The following ULBP3 variants were observed in gnomAD, a reference collection of about 807,000 sequenced individuals.
ULBP3 encodes UL16-binding protein 3.
A neutral mutation model predicts 24.9 loss-of-function variants in ULBP3; 25 were observed. The observed-to-expected ratio is 1.00, with a 90% CI of 0.73 to 1.40. The LOEUF is 1.40. Ranked by LOEUF, ULBP3 falls within the 40% of genes most tolerant of loss-of-function variation. The pLI is 0.00. For synonymous variants in ULBP3, 114 were observed against 114.7 expected, an observed-to-expected ratio of 0.99 and a Z score of 0.04; for missense variants, 306 against 307.5, an observed-to-expected ratio of 1.00 and a Z score of 0.04.
chr6:150,068,971 G>A lies in ULBP3; in HGVS notation c.88+8C>T, dbSNP rs1248652842. ...CCCGCCCCGCTTAGGCTCCATCCCC[G>A]AACTCACCGGCCCGCCCCGTCCCGG... On this transcript the variant is annotated splice_region_variant and intron_variant, in intron 1 of 4. Transcript: ENST00000367339. The A allele has an allele frequency of 1.2e-6, 2 of 1,601,260 alleles. No homozygotes were observed. Among genetic ancestry groups the A allele is most frequent in the African/African-American group, 1.3e-5 (1 of 74,874 alleles).
Position 150,061,416 on chromosome 6 carries a change from C to G in ULBP3, c.*1958G>C, listed in dbSNP as rs1002980490. On this transcript the variant is annotated 3_prime_UTR_variant, in exon 5 of 5. Coordinates refer to ENST00000367339, the MANE Select transcript of ULBP3 (RefSeq NM_024518.3). Reference sequence around the variant, plus strand: ...AGGTGGTTTTTCAGCCCAGGTGCCCCTCCTGTCTCACCTGTCTAGTAATCT... The same window carrying G: ...AGGTGGTTTTTCAGCCCAGGTGCCCGTCCTGTCTCACCTGTCTAGTAATCT... Among the ~76,000 whole-genome samples, 1 of 152,198 alleles carries G rather than the reference C, an allele frequency of 6.6e-6. No individual in the cohort carries two copies. Among genetic ancestry groups the G allele is most frequent in the Non-Finnish European group, 1.5e-5 (1 of 68,036 alleles).
In ULBP3 at chr6:150,062,551, T is replaced by TA. The variant is rs1048130313; in HGVS notation, c.*822dup. 6.6e-6 allele frequency among the ~76,000 whole-genome samples: 1 copy of TA among 151,956 alleles called. No individual in the cohort carries two copies. Among genetic ancestry groups the TA allele is most frequent in the Non-Finnish European group, 1.5e-5 (1 of 67,972 alleles). On this transcript the variant is annotated 3_prime_UTR_variant, in exon 5 of 5. Coordinates refer to ENST00000367339, the MANE Select transcript of ULBP3 (RefSeq NM_024518.3). ...ATATGGTTGACAGAATGAGAAAATG[T>TA]AAAAAAACTATAATGATAAAAAGGA...
At chr6:150,067,855 C>G (rs181995506) in intron 1 of ULBP3, among the ~76,000 whole-genome samples, 27 of 152,318 alleles carry the variant, frequency 1.8e-4, no homozygotes, top group Non-Finnish European at 1.2e-4. Flanking sequence ...TGCTCAGAAG[C>G]AAAGCTGTGC....
chr6:150,066,724 A>G (rs1229978511), intron 1 of ULBP3, among the ~76,000 whole-genome samples: 1 of 152,180 alleles, frequency 6.6e-6, no homozygotes, highest in Non-Finnish European at 1.5e-5. Context: ...CCCATGCCAG[A>G]GTGACTGCAG....
rs1048451422 is a variant in ULBP3 at position 150,063,286 on chromosome 6, G to C, written c.*88C>G. The stretch of plus-strand genomic sequence containing the variant: ...AAGGCACAGTGGTGAGTAGACAGGC[G>C]GCCTCCCTGAAGGGAGAGCAGGAAC... On this transcript the variant is annotated 3_prime_UTR_variant, in exon 5 of 5. Transcript: ENST00000367339. The C allele has an allele frequency of 1.1e-6, 1 of 927,442 alleles. No homozygotes were observed. The highest frequency in any genetic ancestry group is 1.3e-6 in the Non-Finnish European group (1 of 778,048). The allele number at this position is 927,442 out of a possible 1,614,324, so 57.5% of individuals were successfully genotyped here. A position where few individuals can be genotyped will look rare whatever the true frequency, so the allele number is the denominator to read the frequency against.
chr6:150,063,344 C>A lies in ULBP3; in HGVS notation c.*30G>T. The A allele has an allele frequency of 1.0e-6, 1 of 979,634 alleles. No homozygotes were observed. Among genetic ancestry groups the A allele is most frequent in the Non-Finnish European group, 1.2e-6 (1 of 824,634 alleles). The allele number at this position is 979,634 out of a possible 1,614,324, so 60.7% of individuals were successfully genotyped here. ...GGCTAACAGAGGCTTCTTGATATCA[C>A]CTTCCACCTTGAGGAAAGATGAAGC... On this transcript the variant is annotated 3_prime_UTR_variant, in exon 5 of 5. Transcript: ENST00000367339.
intron 1 of ULBP3, 110 bp downstream of exon 1, chr6:150,068,869 G>C: frequency 2.6e-6 from 3 of 1,166,472 alleles, no homozygotes; most frequent in Non-Finnish European, 3.5e-6. Flanking sequence ...GGGCAGTCCG[G>C]GGAGATCGCG....
In ULBP3 at chr6:150,069,004, G is replaced by C. The variant is rs776177800; in HGVS notation, c.63C>G (p.Phe21Leu). The C allele has an allele frequency of 8.1e-6, 13 of 1,609,924 alleles. No homozygotes were observed. The highest frequency in any genetic ancestry group is 1.7e-4 in the Middle Eastern group (1 of 6,058). The change falls in exon 1 of 5, where the codon TTC becomes TTG. Residue 21 changes from phenylalanine to leucine, a missense_variant. Physicochemically the swap from Phe to Leu is conservative, Grantham distance 22. Coordinates refer to ENST00000367339, the MANE Select transcript of ULBP3 (RefSeq NM_024518.3). ...CGGCCCGCCCCGTCCCGGACCAGTC[G>C]AATAGCAGGTACGGAAGAATCGCGA... ...PRLAILPYLLFDWSGTGRADA... is the reference protein window; with the variant it reads ...PRLAILPYLLLDWSGTGRADA...
Position 150,066,149 on chromosome 6 carries a change from G to A in ULBP3, c.102C>T (p.Leu34=). ...AATGAATGATGGTGAAGTTATACCA[G>A]AGAGAGTGAGCGTCTAAGGAAAAAA... ...SGTGRADAHS[L]WYNFTIIHLP... The change falls in exon 2 of 5, where the codon CTC becomes CTT. Residue 34 remains leucine (L), a synonymous_variant. Coordinates refer to ENST00000367339, the MANE Select transcript of ULBP3 (RefSeq NM_024518.3). 1 of 1,613,802 alleles carries A rather than the reference G, an allele frequency of 6.2e-7. No homozygotes were observed. Among genetic ancestry groups the A allele is most frequent in the East Asian group, 2.2e-5 (1 of 44,868 alleles).
chr6:150,069,039 G>A lies in ULBP3; in HGVS notation c.28C>T (p.Leu10Phe), dbSNP rs1487636014. The change falls in exon 1 of 5, where the codon CTT becomes TTT. Residue 10 changes from leucine to phenylalanine, a missense_variant. By Grantham distance (22) the Leu-to-Phe change is conservative. Coordinates refer to ENST00000367339, the MANE Select transcript of ULBP3 (RefSeq NM_024518.3). MAAAASPAI[L>F]PRLAILPYLL... ...TACGGAAGAATCGCGAGGCGCGGAA[G>A]GATCGCGGGGCTGGCGGCCGCTGCC... The A allele has an allele frequency of 1.9e-6, 3 of 1,612,258 alleles. No individual in the cohort carries two copies. The highest frequency in any genetic ancestry group is 2.7e-5 in the African/African-American group (2 of 75,008).
chr6:150,062,916 C>T lies in ULBP3; in HGVS notation c.*458G>A, dbSNP rs577617377. On this transcript the variant is annotated 3_prime_UTR_variant, in exon 5 of 5. Coordinates refer to ENST00000367339, the MANE Select transcript of ULBP3 (RefSeq NM_024518.3). ...AGGAGATCGAGACCATCCTGGCTAA[C>T]AAGGTGAAACCCTGTCTCTACTAAA... is the stretch of plus-strand genomic sequence containing the variant. 9.2e-5 allele frequency among the ~76,000 whole-genome samples: 14 copies of T among 151,838 alleles called. No individual in the cohort carries two copies. Among genetic ancestry groups the T allele is most frequent in the Non-Finnish European group, 1.8e-4 (12 of 67,950 alleles).
At chr6:150,066,563 C>A (rs1475344606) in intron 1 of ULBP3, among the ~76,000 whole-genome samples, 1 of 152,166 alleles carries the variant, frequency 6.6e-6, no homozygotes, top group Admixed American at 6.5e-5. Context: ...TTATGGGTAA[C>A]AAGACATGGT....
rs756557653 is a variant in ULBP3 at position 150,065,389 on chromosome 6, G to A, written c.628+9C>T. On this transcript the variant is annotated intron_variant, in intron 3 of 4. Transcript: ENST00000367339. ...TCCAACATGCTCCCAGTGCTCCCCT[G>A]TCAGTTACCTGTGGGTTCCAGCCTC... The A allele has an allele frequency of 6.2e-7, 1 of 1,613,148 alleles. No individual in the cohort carries two copies. The highest frequency in any genetic ancestry group is 8.5e-7 in the Non-Finnish European group (1 of 1,179,436).
At position 150,066,058 on chromosome 6, in the gene ULBP3, A is replaced by C; in HGVS notation, c.193T>G (p.Tyr65Asp). ...AAGACCTTGTCACTGCCACAGTCAT[A>C]GGAGAGAAAATTCTTCTGATCCACC... is the stretch of plus-strand genomic sequence containing the variant. ...SQVDQKNFLS[Y>D]DCGSDKVLSM... Residue 65 changes from tyrosine (Y) to aspartate (D), a missense_variant, in exon 2 of 5, where the codon TAT becomes GAT. Tyr to Asp is a radical substitution (Grantham distance 160). Coordinates refer to ENST00000367339, the MANE Select transcript of ULBP3 (RefSeq NM_024518.3). 1.2e-6 allele frequency: 2 copies of C among 1,614,222 alleles called. No individual in the cohort carries two copies. The highest frequency in any genetic ancestry group is 2.2e-5 in the East Asian group (1 of 44,882).
intron 1 of ULBP3, among the ~76,000 whole-genome samples, chr6:150,067,190 G>C (rs76951655): frequency 6.6e-6 from 1 of 152,082 alleles, no homozygotes; most frequent in African/African-American, 2.4e-5. Flanking sequence ...TTGTCACCCC[G>C]GGAAATAACT....
At chr6:150,068,929 G>A in intron 1 of ULBP3, 50 bp downstream of exon 1, 1 of 1,534,320 alleles carries the variant, frequency 6.5e-7, no homozygotes, top group Non-Finnish European at 8.8e-7. Context: ...GCAGTCCACA[G>A]CCCCCCAGGT....
At chr6:150,064,921 C>G (rs888901694) in intron 3 of ULBP3, among the ~76,000 whole-genome samples, 13 of 152,002 alleles carry the variant, frequency 8.6e-5, no homozygotes, top group African/African-American at 3.1e-4. Context: ...CTGAGGGAAG[C>G]AAGGTGACAG....
chr6:150,067,921 C>T (rs1776370941), intron 1 of ULBP3, among the ~76,000 whole-genome samples: 1 of 152,202 alleles, frequency 6.6e-6, no homozygotes, highest in African/African-American at 2.4e-5. Flanking sequence ...TGGTCCTGGG[C>T]CCCTGTGGAG....
Position 150,065,468 on chromosome 6 carries a change from G to C in ULBP3, c.558C>G (p.Val186=), listed in dbSNP as rs145396250. The C allele has an allele frequency of 6.9e-5, 111 of 1,614,030 alleles. 1 individual carries two copies. Among genetic ancestry groups the C allele is most frequent in the Non-Finnish European group, 8.6e-5 (102 of 1,180,026 alleles). The stretch of plus-strand genomic sequence containing the variant: ...GCCAGCTCTTGCAGTCTCTCATTGA[G>C]ACCATCTTGAAGAAGGTGGTCAGTC... ...DSGLTTFFKM[V]SMRDCKSWLR... Residue 186 remains valine, a synonymous_variant, in exon 3 of 5, where the codon GTC becomes GTG. Coordinates refer to ENST00000367339, the MANE Select transcript of ULBP3 (RefSeq NM_024518.3).
Sources: gnomAD v4.1 joint callset for allele counts (sites outside exome capture counted in the v4.1 genomes callset) on GRCh38, gnomAD v4.1.1 for gene constraint, MANE v1.5 for transcripts, NCBI Gene and HGNC (gene_info 2026-07-23, HGNC 2026-07-21) for gene names.